The following CTNND2 variants were observed in gnomAD, a reference collection of about 807,000 sequenced individuals.
The protein encoded by CTNND2 is catenin delta-2.
In CTNND2, 22 loss-of-function variants were observed where a neutral mutation model predicts 144.4. That is an observed-to-expected ratio of 0.15 (90% CI 0.11 to 0.22). The LOEUF is 0.22. Among genes scored for constraint, CTNND2 ranks in the 10% least tolerant of loss-of-function variants. CTNND2 has a pLI of 1.00. For synonymous variants in CTNND2, 751 were observed against 695.6 expected (o/e 1.08, Z -1.25); for missense variants, 1,353 against 1,618.8 (o/e 0.84, Z 2.82).
At position 11,133,847 on chromosome 5, in the gene CTNND2, C is replaced by T. The variant is rs143607807; in HGVS notation, c.2160-16280G>A. 6.9e-4 allele frequency among the ~76,000 whole-genome samples: 105 copies of T among 152,316 alleles called. 2 individuals carry two copies. Among genetic ancestry groups the T allele is most frequent in the African/African-American group, 2.4e-3 (101 of 41,570 alleles). Reference sequence around the variant, plus strand: ...TTTTAAAAGCAAGGCTGCCATAGTACCGATATAGTCTGTCTGCTTCCATTA... The same window carrying T: ...TTTTAAAAGCAAGGCTGCCATAGTATCGATATAGTCTGTCTGCTTCCATTA... On this transcript the variant is annotated intron_variant, in intron 12 of 21. Coordinates refer to ENST00000304623, the MANE Select transcript of CTNND2 (RefSeq NM_001332.4).
chr5:11,382,113 CT>C (rs1049202515), intron 7 of CTNND2, among the ~76,000 whole-genome samples: 4 of 152,156 alleles, frequency 2.6e-5, no homozygotes, highest in Admixed American at 6.5e-5. Context: ...GAGGTACCCC[CT>C]GAATCTAAAA....
At chr5:11,329,354 C>G (rs1752847651) in intron 9 of CTNND2, among the ~76,000 whole-genome samples, 1 of 152,124 alleles carries the variant, frequency 6.6e-6, no homozygotes, top group African/African-American at 2.4e-5. Flanking sequence ...GGCGTTTCAT[C>G]ATGGTGGCCA....
At chr5:11,549,851 G>A (rs778513989) in intron 3 of CTNND2, among the ~76,000 whole-genome samples, 1 of 152,076 alleles carries the variant, frequency 6.6e-6, no homozygotes, top group Non-Finnish European at 1.5e-5. Flanking sequence ...GAACATTGCT[G>A]TACTCTAGTG....
chr5:11,128,938 TA>T (rs1355720443), intron 12 of CTNND2, among the ~76,000 whole-genome samples: 1 of 53,894 alleles, frequency 1.9e-5, no homozygotes, highest in East Asian at 4.7e-4. Flanking sequence ...TAAATATATA[TA>T]TTATATATAA....
chr5:11,199,595 G>A lies in CTNND2; in HGVS notation c.1828C>T (p.Arg610Cys), dbSNP rs775409042. The A allele has an allele frequency of 3.7e-6, 6 of 1,614,002 alleles. No homozygotes were observed. Among genetic ancestry groups the A allele is most frequent in the African/African-American group, 1.3e-5 (1 of 74,908 alleles). ...TTTCTCAGAGCTCCACAGGCACTAC[G>A]GTGGACTTCGGTCATCCGATGATCC... The part of the protein sequence containing the change: ...LLDHRMTEVH[R>C]SACGALRNLV... The change falls in exon 11 of 22, where the codon CGT becomes TGT. Residue 610 changes from arginine (R) to cysteine (C), a missense_variant. Around this residue, in one of 4 missense-constraint regions of CTNND2, gnomAD observed 69 missense variants for 120.3 expected, o/e 0.57. Coordinates refer to ENST00000304623, the MANE Select transcript of CTNND2 (RefSeq NM_001332.4).
chr5:11,599,743 G>C (rs1779685615), intron 2 of CTNND2, among the ~76,000 whole-genome samples: 3 of 152,272 alleles, frequency 2.0e-5, no homozygotes, highest in South Asian at 4.1e-4. Context: ...CGAAAATGGA[G>C]TTTAGACTTT....
At chr5:11,786,827 T>G (rs887766319) in intron 1 of CTNND2, among the ~76,000 whole-genome samples, 7 of 152,322 alleles carry the variant, frequency 4.6e-5, no homozygotes, top group African/African-American at 7.2e-5. Flanking sequence ...CCCAGAGAAA[T>G]TTTAGGGTTT....
chr5:11,541,056 G>A (rs377099978), intron 3 of CTNND2, among the ~76,000 whole-genome samples: 26 of 152,216 alleles, frequency 1.7e-4, no homozygotes, highest in African/African-American at 5.5e-4. Flanking sequence ...TCCAAAGCCC[G>A]GGATGCACAG....
chr5:11,764,463 T>G (rs1047437932), intron 1 of CTNND2, among the ~76,000 whole-genome samples: 2 of 152,140 alleles, frequency 1.3e-5, no homozygotes, highest in African/African-American at 4.8e-5. Flanking sequence ...AAAAAAAAGA[T>G]AGAAAACAGT....
chr5:11,173,886 G>C (rs1490004664), intron 11 of CTNND2, among the ~76,000 whole-genome samples: 1 of 152,200 alleles, frequency 6.6e-6, no homozygotes, highest in Non-Finnish European at 1.5e-5. Flanking sequence ...AGGATGGTTG[G>C]TTTTTAAACA....
At chr5:11,072,463 T>A (rs1748433893) in intron 16 of CTNND2, among the ~76,000 whole-genome samples, 1 of 152,242 alleles carries the variant, frequency 6.6e-6, no homozygotes, top group Non-Finnish European at 1.5e-5. Flanking sequence ...TACACGAAAT[T>A]GAATAGGAAA....
In CTNND2 at chr5:11,554,956, T is replaced by G. The variant is rs1385747748; in HGVS notation, c.287+9988A>C. Among the ~76,000 whole-genome samples the G allele has an allele frequency of 2.0e-5, 3 of 151,326 alleles. No individual in the cohort carries two copies. In the East Asian group the frequency reaches 5.8e-4, roughly 29 times the overall value. On this transcript the variant is annotated intron_variant, in intron 3 of 21. Coordinates refer to ENST00000304623, the MANE Select transcript of CTNND2 (RefSeq NM_001332.4). Reference sequence around the variant, plus strand: ...ATATATAATACATATAAAATGTACATAACATAAAAAAATGAATAATACAAT... The same window carrying G: ...ATATATAATACATATAAAATGTACAGAACATAAAAAAATGAATAATACAAT...
chr5:11,456,268 T>C (rs1410741807), intron 3 of CTNND2, among the ~76,000 whole-genome samples: 2 of 152,110 alleles, frequency 1.3e-5, no homozygotes, highest in African/African-American at 2.4e-5. Flanking sequence ...AAGGAGACAA[T>C]GTTGGTTTTA....
intron 7 of CTNND2, among the ~76,000 whole-genome samples, chr5:11,375,689 T>G (rs535522092): frequency 6.6e-6 from 1 of 152,310 alleles, no homozygotes; most frequent in East Asian, 1.9e-4. Context: ...TCTCACCTCC[T>G]TTTTCAAATG....
chr5:11,578,706 G>A (rs866770584), intron 2 of CTNND2, among the ~76,000 whole-genome samples: 27 of 120,378 alleles, frequency 2.2e-4, no homozygotes, highest in Middle Eastern at 8.9e-3. Context: ...TAAATAAATA[G>A]AGTAGTGAAC....
chr5:11,874,706 A>G (rs937544370), intron 1 of CTNND2, among the ~76,000 whole-genome samples: 1 of 152,232 alleles, frequency 6.6e-6, no homozygotes, highest in African/African-American at 2.4e-5. Flanking sequence ...GTTAAAACTT[A>G]TGAATTGCTT....
chr5:11,664,403 C>A (rs1783444370), intron 2 of CTNND2, among the ~76,000 whole-genome samples: 1 of 152,090 alleles, frequency 6.6e-6, no homozygotes, highest in Non-Finnish European at 1.5e-5. Flanking sequence ...CCATCCTGGC[C>A]AACATGGTGA....
At chr5:11,748,871 G>A (rs921439434) in intron 1 of CTNND2, among the ~76,000 whole-genome samples, 3 of 152,016 alleles carry the variant, frequency 2.0e-5, no homozygotes. Flanking sequence ...GCTAGACTTA[G>A]TGACCCTTTA....
intron 15 of CTNND2, among the ~76,000 whole-genome samples, chr5:11,093,312 A>C (rs1455964771): frequency 6.6e-6 from 1 of 152,232 alleles, no homozygotes; most frequent in Admixed American, 6.5e-5. Flanking sequence ...ACATTCGTTC[A>C]CATTTTGGAA....
Sources: allele counts gnomAD v4.1 joint callset (sites outside exome capture counted in the v4.1 genomes callset), GRCh38; gene constraint gnomAD v4.1.1; regional missense constraint gnomAD v4.1.1; transcripts MANE v1.5; gene names NCBI Gene and HGNC (gene_info 2026-07-23, HGNC 2026-07-21).